Variants in COL24A1 observed in about 807,000 individuals in gnomAD.
COL24A1 encodes the protein collagen type XXIV alpha 1 chain, also known as collagen alpha-1(XXIV) chain.
Under a neutral mutation model 253.9 loss-of-function variants are expected in COL24A1, and 224 were observed. The observed-to-expected ratio is 0.88, with a 90% CI of 0.79 to 0.99. The LOEUF (loss-of-function observed/expected upper bound fraction) is 0.99. COL24A1 is among the 50% of genes least tolerant of loss of function. COL24A1 has a pLI of 0.00. For missense variants in COL24A1, 2,131 were observed against 2,068.5 expected (o/e 1.03, Z -0.59); for synonymous variants, 685 against 673.7 (o/e 1.02, Z -0.26).
chr1:85,774,097 C>T (rs928057137), intron 53 of COL24A1, among the ~76,000 whole-genome samples: 2 of 152,098 alleles, frequency 1.3e-5, no homozygotes, highest in African/African-American at 2.4e-5. Flanking sequence ...TGAATTTTGT[C>T]GAAGGCATTT....
chr1:85,755,511 G>A (rs1011923056), intron 55 of COL24A1, among the ~76,000 whole-genome samples: 1 of 134,170 alleles, frequency 7.5e-6, no homozygotes, highest in Non-Finnish European at 1.6e-5. Context: ...AAAACAGTTG[G>A]TACTGTCATA....
intron 47 of COL24A1, among the ~76,000 whole-genome samples, chr1:85,803,865 T>C (rs1444109994): frequency 6.6e-6 from 1 of 152,300 alleles, no homozygotes; most frequent in African/African-American, 2.4e-5. Context: ...TAGAACCTCA[T>C]TGAATTGGCT....
Position 85,847,754 on chromosome 1 carries a change from C to T in COL24A1, c.3373G>A (p.Gly1125Arg). ...PGKKGDKGQI[G>R]PTGEVGSRGP... is the part of the protein sequence containing the mutation. Reference sequence around the variant, plus strand: ...CTGCTTCCAACTTCTCCTGTGGGTCCTATTTGTCCTTTATCACCCTGTGGA... The same window carrying T: ...CTGCTTCCAACTTCTCCTGTGGGTCTTATTTGTCCTTTATCACCCTGTGGA... The change falls in exon 39 of 60, where the codon GGA (glycine) becomes AGA (arginine). Residue 1125 changes from glycine to arginine, a missense_variant. Gly to Arg is a moderately radical substitution (Grantham distance 125). Coordinates refer to ENST00000370571, the MANE Select transcript of COL24A1 (RefSeq NM_152890.7). The T allele has an allele frequency of 6.2e-7, 1 of 1,613,496 alleles. No individual in the cohort carries two copies. Among genetic ancestry groups the T allele is most frequent in the Non-Finnish European group, 8.5e-7 (1 of 1,179,632 alleles).
At chr1:85,804,957 C>T (rs1324528130) in intron 47 of COL24A1, among the ~76,000 whole-genome samples, 3 of 151,932 alleles carry the variant, frequency 2.0e-5, no homozygotes, top group Admixed American at 6.6e-5. Flanking sequence ...AGCAATCCTA[C>T]TTCTTCAATC....
Position 86,115,356 on chromosome 1 carries a change from A to T in COL24A1, c.1514T>A (p.Ile505Asn). 1 of 1,613,942 alleles carries T rather than the reference A, an allele frequency of 6.2e-7. No homozygotes were observed. Among genetic ancestry groups the T allele is most frequent in the Non-Finnish European group, 8.5e-7 (1 of 1,179,886 alleles). ...GPPGPPGPAG[I>N]PGPSGKRGPR... ...ACCTCTCTTCCCTGACGGACCTGGG[A>T]TACCTGCTGGACCAGGTGGACCCTT... Residue 505 changes from isoleucine to asparagine, a missense_variant, in exon 4 of 60, where the codon ATC becomes AAC. Physicochemically the swap from Ile to Asn is moderately radical, Grantham distance 149 (BLOSUM62 -3). Coordinates refer to ENST00000370571, the MANE Select transcript of COL24A1 (RefSeq NM_152890.7).
intron 2 of COL24A1, among the ~76,000 whole-genome samples, chr1:86,140,455 A>G (rs553739199): frequency 1.6e-4 from 25 of 152,354 alleles, no homozygotes; most frequent in African/African-American, 5.8e-4. Flanking sequence ...CTGTGTATAG[A>G]AGTTTTGGCT....
intron 10 of COL24A1, among the ~76,000 whole-genome samples, chr1:86,050,919 T>C (rs984650814): frequency 1.3e-5 from 2 of 152,132 alleles, no homozygotes; most frequent in East Asian, 3.8e-4. Flanking sequence ...ATAAAGTGTA[T>C]GGTAGTTTAG....
At chr1:86,101,250 T>A (rs1344977421) in intron 5 of COL24A1, among the ~76,000 whole-genome samples, 1 of 152,154 alleles carries the variant, frequency 6.6e-6, no homozygotes, top group Non-Finnish European at 1.5e-5. Context: ...TCAATGACTT[T>A]GTTGAAGTTG....
chr1:85,801,846 G>C (rs1671459815), intron 47 of COL24A1, among the ~76,000 whole-genome samples: 1 of 152,034 alleles, frequency 6.6e-6, no homozygotes, highest in Admixed American at 6.6e-5. Context: ...CAAAATTTAG[G>C]CCTCCTATAA....
At chr1:86,063,830 G>T in intron 7 of COL24A1, 71 bp from the exon 8 acceptor site, 2 of 1,161,112 alleles carry the variant, frequency 1.7e-6, no homozygotes, top group South Asian at 2.6e-5. Flanking sequence ...AACATAGGTT[G>T]CAAGTTGCCT....
chr1:85,907,841 T>C (rs1342085677), intron 27 of COL24A1, among the ~76,000 whole-genome samples: 1 of 151,842 alleles, frequency 6.6e-6, no homozygotes, highest in African/African-American at 2.4e-5. Flanking sequence ...TATTTATCTA[T>C]TAACCCAAGG....
intron 52 of COL24A1, among the ~76,000 whole-genome samples, chr1:85,778,603 C>CA (rs1245675805): frequency 2.9e-5 from 3 of 105,012 alleles, no homozygotes; most frequent in Non-Finnish European, 5.8e-5. Context: ...GATTATTCTT[C>CA]AATTTTTTTT....
chr1:85,802,226 G>T (rs1453945552), intron 47 of COL24A1, among the ~76,000 whole-genome samples: 1 of 152,118 alleles, frequency 6.6e-6, no homozygotes, highest in Non-Finnish European at 1.5e-5. Context: ...CCTCAATGAG[G>T]TCTACTCTCT....
intron 24 of COL24A1, among the ~76,000 whole-genome samples, chr1:85,922,201 C>T (rs1028596703): frequency 6.6e-6 from 1 of 152,132 alleles, no homozygotes; most frequent in Admixed American, 6.5e-5. Flanking sequence ...ATTGGTGTAC[C>T]TGAAAGTGAT....
chr1:86,028,969 T>G (rs1698298044), intron 14 of COL24A1, among the ~76,000 whole-genome samples: 1 of 152,190 alleles, frequency 6.6e-6, no homozygotes, highest in South Asian at 2.1e-4. Context: ...GGGCCATATT[T>G]AAAAAATTTG....
At chr1:86,108,400 C>G (rs781398312) in intron 5 of COL24A1, among the ~76,000 whole-genome samples, 3 of 151,800 alleles carry the variant, frequency 2.0e-5, no homozygotes, top group Admixed American at 6.6e-5. Flanking sequence ...TACTTTCCAC[C>G]ATCTCTAGCT....
At chr1:85,848,434 C>A (rs1337916264) in intron 38 of COL24A1, among the ~76,000 whole-genome samples, 1 of 152,108 alleles carries the variant, frequency 6.6e-6, no homozygotes, top group African/African-American at 2.4e-5. Context: ...CTCAGCCTCC[C>A]AAGTAGCTGG....
At chr1:85,989,167 C>T (rs2100939863) in intron 19 of COL24A1, among the ~76,000 whole-genome samples, 1 of 152,108 alleles carries the variant, frequency 6.6e-6, no homozygotes, top group East Asian at 1.9e-4. Flanking sequence ...CTTCTAGCTC[C>T]TGCTGTAACA....
Position 86,017,217 on chromosome 1 carries a change from G to T in COL24A1, c.2257-13C>A. ...CACCTGTTTGGCCCTAAAATGGGGG[G>T]GGAGGATCAAAGTATAAACATAAAC... On this transcript the variant is annotated splice_polypyrimidine_tract_variant and intron_variant, in intron 18 of 59. Transcript: ENST00000370571. The T allele has an allele frequency of 6.4e-7, 1 of 1,552,396 alleles. No individual in the cohort carries two copies.
Sources: allele counts gnomAD v4.1 joint callset (sites outside exome capture counted in the v4.1 genomes callset), GRCh38; gene constraint gnomAD v4.1.1; transcripts MANE v1.5; gene names NCBI Gene and HGNC (gene_info 2026-07-23, HGNC 2026-07-21).